The following DNM3 variants were observed in gnomAD, a reference collection of about 807,000 sequenced individuals.
The protein encoded by DNM3 is dynamin-3.
A neutral mutation model predicts 101.6 loss-of-function variants in DNM3; 47 were observed. The ratio of observed to expected loss-of-function variants is 0.46; its 90% CI spans 0.37 to 0.59. The LOEUF is 0.59. Ranked by LOEUF, DNM3 falls within the 20% of genes least tolerant of loss-of-function variation. DNM3 has a pLI of 0.00. For synonymous variants in DNM3, 385 were observed against 387.9 expected (o/e 0.99, Z 0.09); for missense variants, 849 against 1,085.7 (o/e 0.78, Z 3.06).
intron 14 of DNM3, among the ~76,000 whole-genome samples, chr1:172,204,857 C>T (rs1237243157): frequency 6.6e-6 from 1 of 152,092 alleles, no homozygotes; most frequent in African/African-American, 2.4e-5. Context: ...CAGATGTGAT[C>T]ATGTCACTTC....
chr1:172,093,753 T>C, intron 13 of DNM3: 2 of 1,595,100 alleles, frequency 1.3e-6, no homozygotes. Flanking sequence ...TAAGCTTTAC[T>C]GTTGCTTTTT....
chr1:172,244,638 A>G (rs1327579099), intron 14 of DNM3, among the ~76,000 whole-genome samples: 3 of 152,228 alleles, frequency 2.0e-5, no homozygotes, highest in Non-Finnish European at 2.9e-5. Context: ...AGAAATGCAA[A>G]TCAAAACCAC....
At chr1:172,281,929 A>C (rs984661100) in intron 15 of DNM3, among the ~76,000 whole-genome samples, 2 of 152,210 alleles carry the variant, frequency 1.3e-5, no homozygotes, top group Non-Finnish European at 2.9e-5. Context: ...ATTTACAAAA[A>C]TTAAAAAAGA....
chr1:172,196,152 T>C (rs776014817), intron 14 of DNM3, among the ~76,000 whole-genome samples: 2 of 151,784 alleles, frequency 1.3e-5, no homozygotes, highest in Non-Finnish European at 2.9e-5. Flanking sequence ...TGAGAACATA[T>C]GGTATTTGGT....
chr1:172,202,258 T>C (rs2060181377), intron 14 of DNM3, among the ~76,000 whole-genome samples: 1 of 152,224 alleles, frequency 6.6e-6, no homozygotes, highest in Non-Finnish European at 1.5e-5. Flanking sequence ...TCTGTTTTTA[T>C]TTAAAAGAGT....
At chr1:172,233,216 A>G (rs1028920064) in intron 14 of DNM3, among the ~76,000 whole-genome samples, 2 of 152,228 alleles carry the variant, frequency 1.3e-5, no homozygotes, top group African/African-American at 2.4e-5. Flanking sequence ...ATCATCAGCA[A>G]TCCCACAGAA....
intron 13 of DNM3, among the ~76,000 whole-genome samples, chr1:172,102,520 G>A (rs2054721096): frequency 6.6e-6 from 1 of 152,050 alleles, no homozygotes; most frequent in South Asian, 2.1e-4. Context: ...TATTTTTACA[G>A]CCAAGTTGCA....
chr1:172,231,220 C>G (rs2061324995), intron 14 of DNM3, among the ~76,000 whole-genome samples: 1 of 146,288 alleles, frequency 6.8e-6, no homozygotes, highest in Non-Finnish European at 1.5e-5. Flanking sequence ...CCAGTAGGGG[C>G]AGACTGACAC....
At chr1:172,082,204 CA>C (rs904272765) in intron 12 of DNM3, among the ~76,000 whole-genome samples, 2 of 152,114 alleles carry the variant, frequency 1.3e-5, no homozygotes, top group Admixed American at 1.3e-4. Flanking sequence ...TATAGAAAAA[CA>C]GTAATTAATG....
intron 2 of DNM3, among the ~76,000 whole-genome samples, chr1:171,940,785 C>T (rs2041760518): frequency 6.6e-6 from 1 of 152,088 alleles, no homozygotes; most frequent in African/African-American, 2.4e-5. Flanking sequence ...CCTGACTTTT[C>T]ATCATTGTAC....
At chr1:172,088,763 A>T (rs2053706605) in intron 12 of DNM3, among the ~76,000 whole-genome samples, 1 of 152,208 alleles carries the variant, frequency 6.6e-6, no homozygotes, top group Non-Finnish European at 1.5e-5. Context: ...ATCTGAAATT[A>T]TATTTCTTGT....
chr1:172,223,588 C>T (rs2060994216), intron 14 of DNM3, among the ~76,000 whole-genome samples: 1 of 152,154 alleles, frequency 6.6e-6, no homozygotes, highest in South Asian at 2.1e-4. Context: ...TAAACTGAAT[C>T]TCATGGCTCC....
At chr1:172,291,889 A>G (rs2063930880) in intron 15 of DNM3, among the ~76,000 whole-genome samples, 2 of 152,226 alleles carry the variant, frequency 1.3e-5, no homozygotes, top group African/African-American at 2.4e-5. Context: ...GAATATGCAG[A>G]TAATGTAAAA....
At chr1:172,214,684 AC>A in intron 14 of DNM3, among the ~76,000 whole-genome samples, 1 of 152,280 alleles carries the variant, frequency 6.6e-6, no homozygotes, top group Admixed American at 6.5e-5. Flanking sequence ...ATGACTGGGA[AC>A]AAGCTAGGAT....
At chr1:172,375,914 T>G (rs2068574553) in intron 17 of DNM3, among the ~76,000 whole-genome samples, 1 of 150,968 alleles carries the variant, frequency 6.6e-6, no homozygotes, top group East Asian at 1.9e-4. Context: ...ATCCCTTGAG[T>G]TCAGGGGTTC....
chr1:172,046,856 A>G (rs1443933652), intron 9 of DNM3, among the ~76,000 whole-genome samples: 1 of 152,180 alleles, frequency 6.6e-6, no homozygotes, highest in East Asian at 1.9e-4. Flanking sequence ...TTTTGGGGTC[A>G]TACAGTATTT....
intron 17 of DNM3, among the ~76,000 whole-genome samples, chr1:172,345,503 TGTGAA>T (rs534596602): frequency 2.6e-4 from 39 of 152,338 alleles, no homozygotes; most frequent in Middle Eastern, 3.4e-3. Flanking sequence ...TTTTTATTGA[TGTGAA>T]GTCAAAAATT....
At chr1:172,110,020 A>G (rs893802975) in intron 13 of DNM3, among the ~76,000 whole-genome samples, 12 of 152,088 alleles carry the variant, frequency 7.9e-5, no homozygotes, top group Non-Finnish European at 1.6e-4. Context: ...TGGTGCAAAC[A>G]AAAAAAATTC....
In DNM3 at chr1:172,131,187, G is replaced by A. The variant is rs2056918649; in HGVS notation, c.1558G>A (p.Gly520Arg). ...TTVGNQVIRKGWLTISNIGIM... is the reference protein window; with the variant it reads ...TTVGNQVIRKRWLTISNIGIM... ...TGCTTTTTCGTAGGTGATTCGCAAG[G>A]GGTGGCTCACCATCAGCAACATTGG... is the stretch of plus-strand genomic sequence containing the variant. Residue 520 changes from glycine (G) to arginine (R), a missense_variant, in exon 14 of 21, where the codon GGG (glycine) becomes AGG (arginine). Gly to Arg is a moderately radical substitution (Grantham distance 125). Transcript: ENST00000627582. 6.2e-7 allele frequency: 1 copy of A among 1,613,148 alleles called. No homozygotes were observed.
Sources: gnomAD v4.1 joint callset for allele counts (sites outside exome capture counted in the v4.1 genomes callset) on GRCh38, gnomAD v4.1.1 for gene constraint, MANE v1.5 for transcripts, NCBI Gene and HGNC (gene_info 2026-07-23, HGNC 2026-07-21) for gene names.